UST: variants seen among roughly 807,000 people sequenced by gnomAD.
UST encodes chondroitin sulfate 2-O-sulfotransferase.
In UST, 21 loss-of-function variants were observed where a neutral mutation model predicts 45.6. That is an observed-to-expected ratio of 0.46 (90% CI 0.33 to 0.66). UST has a LOEUF of 0.66. Among genes scored for constraint, UST ranks in the 30% least tolerant of loss-of-function variants. The pLI is 0.02. For synonymous variants in UST, 215 were observed against 200.6 expected (o/e 1.07, Z -0.61); for missense variants, 463 against 512.4 (o/e 0.90, Z 0.93).
chr6:148,820,374 T>C (rs1410606969), intron 1 of UST, among the ~76,000 whole-genome samples: 1 of 152,190 alleles, frequency 6.6e-6, no homozygotes, highest in African/African-American at 2.4e-5. Flanking sequence ...TTTTCTGAAC[T>C]ATATGAAAGT....
chr6:148,966,930 G>T (rs1415418020), intron 5 of UST, among the ~76,000 whole-genome samples: 4 of 152,030 alleles, frequency 2.6e-5, no homozygotes, highest in Admixed American at 2.0e-4. Context: ...AGAGGCGGGG[G>T]TTTCACCATG....
At chr6:148,913,886 T>C (rs1779529081) in intron 2 of UST, among the ~76,000 whole-genome samples, 1 of 152,216 alleles carries the variant, frequency 6.6e-6, no homozygotes, top group African/African-American at 2.4e-5. Flanking sequence ...TACATTAATC[T>C]TCTAGCTGCA....
chr6:148,960,390 A>G (rs1232881462), intron 4 of UST, among the ~76,000 whole-genome samples: 2 of 152,118 alleles, frequency 1.3e-5, no homozygotes, highest in Non-Finnish European at 2.9e-5. Context: ...TCTCACTTCA[A>G]ACTGTCTTCC....
intron 3 of UST, among the ~76,000 whole-genome samples, chr6:148,951,259 C>G (rs1381505895): frequency 2.0e-5 from 3 of 152,098 alleles, no homozygotes; most frequent in African/African-American, 7.2e-5. Flanking sequence ...ATGCCGAGCA[C>G]CAGTAACCTG....
chr6:148,980,606 T>G (rs1446762780), intron 5 of UST, among the ~76,000 whole-genome samples: 2 of 152,242 alleles, frequency 1.3e-5, no homozygotes, highest in Non-Finnish European at 2.9e-5. Context: ...CATATTGCTT[T>G]CCCAAATAAA....
chr6:149,046,139 A>G (rs1366453861), intron 7 of UST, among the ~76,000 whole-genome samples: 1 of 152,250 alleles, frequency 6.6e-6, no homozygotes, highest in Non-Finnish European at 1.5e-5. Context: ...TGCCTGGAGT[A>G]TATCGTGCAT....
At chr6:148,768,080 G>A (rs1024965893) in intron 1 of UST, among the ~76,000 whole-genome samples, 3 of 152,064 alleles carry the variant, frequency 2.0e-5, no homozygotes, top group African/African-American at 4.8e-5. Flanking sequence ...TTTACAAACC[G>A]GCACATTGAT....
intron 1 of UST, among the ~76,000 whole-genome samples, chr6:148,827,920 T>C (rs1314889291): frequency 6.6e-6 from 1 of 152,078 alleles, no homozygotes; most frequent in Admixed American, 6.5e-5. Flanking sequence ...TTTGAAGTGA[T>C]TGGATTAAGG....
chr6:148,829,271 C>T (rs1426651178), intron 1 of UST, among the ~76,000 whole-genome samples: 1 of 152,136 alleles, frequency 6.6e-6, no homozygotes, highest in Non-Finnish European at 1.5e-5. Flanking sequence ...TATGGGCGTG[C>T]ACCTCTGCAC....
intron 7 of UST, among the ~76,000 whole-genome samples, chr6:149,043,600 G>A (rs900028991): frequency 1.3e-5 from 2 of 152,260 alleles, no homozygotes; most frequent in African/African-American, 2.4e-5. Flanking sequence ...TCTGGTGGGA[G>A]CCTTGATGTG....
chr6:148,967,359 G>T (rs764672579), intron 5 of UST, among the ~76,000 whole-genome samples: 6 of 151,878 alleles, frequency 4.0e-5, no homozygotes, highest in African/African-American at 1.2e-4. Flanking sequence ...GCCTGGTGGT[G>T]GGGGGGAGGG....
intron 1 of UST, among the ~76,000 whole-genome samples, chr6:148,754,134 A>G (rs1338621717): frequency 1.3e-5 from 2 of 151,786 alleles, no homozygotes; most frequent in Non-Finnish European, 1.5e-5. Context: ...AGCTGGGACT[A>G]CAGGCGGCCG....
rs926455224 is a variant in UST, at chr6:148,790,114, G to A, written c.247+42437G>A. On this transcript the variant is annotated intron_variant, in intron 1 of 7. Coordinates refer to ENST00000367463, the MANE Select transcript of UST (RefSeq NM_005715.3). This position sits in a 1 kb window ranked among gnomAD's most constrained non-coding sequence, Gnocchi z 4.2. ...CATTGCTATCGTAGTTATCCTTGCAGCGGTGTCAGACTTTAGCTGCTTCCT... is the reference window on the plus strand; with the variant it reads ...CATTGCTATCGTAGTTATCCTTGCAACGGTGTCAGACTTTAGCTGCTTCCT... Among the ~76,000 whole-genome samples the A allele has an allele frequency of 2.0e-5, 3 of 151,602 alleles. No homozygotes were observed. The highest frequency in any genetic ancestry group is 7.3e-5 in the African/African-American group (3 of 41,210).
intron 7 of UST, 62 bp from the exon 8 acceptor site, chr6:149,073,771 G>T: frequency 6.4e-7 from 1 of 1,565,688 alleles, no homozygotes; most frequent in Middle Eastern, 2.2e-4. Context: ...GTGGGTCCTC[G>T]CCGGGATCCC....
intron 7 of UST, among the ~76,000 whole-genome samples, chr6:149,068,320 G>T (rs1290700747): frequency 6.6e-6 from 1 of 152,108 alleles, no homozygotes; most frequent in East Asian, 1.9e-4. Context: ...CCACTTTCTG[G>T]CTGCATGACC....
intron 2 of UST, among the ~76,000 whole-genome samples, chr6:148,917,921 T>G (rs1024901011): frequency 1.3e-5 from 2 of 152,184 alleles, no homozygotes; most frequent in African/African-American, 4.8e-5. Context: ...AAGCAGCATT[T>G]CTTGATCTTT....
intron 5 of UST, among the ~76,000 whole-genome samples, chr6:149,013,513 C>A (rs146152707): frequency 6.7e-6 from 1 of 149,716 alleles, no homozygotes; most frequent in South Asian, 2.1e-4. Flanking sequence ...GCAACAAGAG[C>A]GAAACTCTGT....
rs1776894885 is a variant in UST at position 149,076,744 on chromosome 6, AAG to A, written c.*2629_*2630del. ...TTATTATAACCTTTCAGCACATTCC[AAG>A]GTTTTAGTTACTCAGGAAGGAGTTA... On this transcript the variant is annotated 3_prime_UTR_variant, in exon 8 of 8. Transcript: ENST00000367463. 1 of 152,642 alleles carries A rather than the reference AAG, an allele frequency of 6.6e-6. No individual in the cohort carries two copies. Among genetic ancestry groups the A allele is most frequent in the African/African-American group, 2.4e-5 (1 of 41,458 alleles). 9.5% of individuals were successfully genotyped at this position (152,642 alleles called of 1,614,324 possible).
chr6:148,803,673 C>T (rs138547949), intron 1 of UST, among the ~76,000 whole-genome samples: 2 of 152,198 alleles, frequency 1.3e-5, no homozygotes, highest in African/African-American at 2.4e-5. Flanking sequence ...CTCTCCCACA[C>T]TGCCCCCAAA....
Sources: allele counts gnomAD v4.1 joint callset (sites outside exome capture counted in the v4.1 genomes callset), GRCh38; gene constraint gnomAD v4.1.1; non-coding constraint Gnocchi (gnomAD v3.1); transcripts MANE v1.5; gene names NCBI Gene and HGNC (gene_info 2026-07-23, HGNC 2026-07-21).